The following TNC variants were observed in gnomAD, a reference collection of about 807,000 sequenced individuals.
TNC encodes tenascin.
A neutral mutation model predicts 202.4 loss-of-function variants in TNC; 109 were observed. The observed-to-expected ratio is 0.54, with a 90% CI of 0.46 to 0.63. The LOEUF (loss-of-function observed/expected upper bound fraction) is 0.63, where lower values mean the gene tolerates loss of function less well. TNC is among the 30% of genes least tolerant of loss of function. TNC has a pLI of 0.00. For synonymous variants in TNC, 1,007 were observed against 1,089.7 expected (o/e 0.92, Z 1.50); for missense variants, 2,756 against 2,833.3 (o/e 0.97, Z 0.62).
chr9:115,023,831 C>T lies in TNC; in HGVS notation c.6495+142G>A. On this transcript the variant is annotated intron_variant, in intron 27 of 27. Coordinates refer to ENST00000350763, the MANE Select transcript of TNC (RefSeq NM_002160.4). ...CCTGCAGTGTCCTTGAGATTGCTCA[C>T]TGCCTTGGGAAAAACATGTTGTCAT... is the stretch of plus-strand genomic sequence containing the variant. The T allele has an allele frequency of 2.1e-5, 21 of 992,852 alleles. 1 individual carries two copies. In the South Asian group the frequency reaches 2.5e-4, roughly 12 times the overall value. 61.5% of individuals were successfully genotyped at this position (992,852 alleles called of 1,614,324 possible).
At chr9:115,021,826 C>G (rs1829096328) in intron 27 of TNC, among the ~76,000 whole-genome samples, 1 of 152,090 alleles carries the variant, frequency 6.6e-6, no homozygotes, top group African/African-American at 2.4e-5. Flanking sequence ...TCTTCTGAGC[C>G]TCGGTTTTAC....
At chr9:115,044,568 C>T (rs1461777361) in intron 17 of TNC, among the ~76,000 whole-genome samples, 1 of 151,762 alleles carries the variant, frequency 6.6e-6, no homozygotes, top group South Asian at 2.1e-4. Context: ...ATTATTCATT[C>T]TCTTTTTTGC....
chr9:115,091,111 G>T lies in TNC; in HGVS notation c.-93C>A. The T allele has an allele frequency of 1.0e-6, 1 of 993,198 alleles. No individual in the cohort carries two copies. The highest frequency in any genetic ancestry group is 1.5e-6 in the Non-Finnish European group (1 of 674,724). The allele number at this position is 993,198 out of a possible 1,614,324, so 61.5% of individuals were successfully genotyped here. ...ATTGGGGATTTAGAAGCACAGAGTA[G>T]ACTTCAAATCAGTTGTCCCTGATCT... On this transcript the variant is annotated 5_prime_UTR_variant, in exon 2 of 28. Coordinates refer to ENST00000350763, the MANE Select transcript of TNC (RefSeq NM_002160.4).
At position 115,035,439 on chromosome 9, in the gene TNC, G is replaced by T. The variant is rs56208767; in HGVS notation, c.5657-105C>A. 5.7e-3 allele frequency: 7,094 copies of T among 1,234,642 alleles called. 34 individuals are homozygous for T. The highest frequency in any genetic ancestry group is 0.012 in the African/African-American group (800 of 65,444). The allele number at this position is 1,234,642 out of a possible 1,614,324, so 76.5% of individuals were successfully genotyped here. A position where few individuals can be genotyped will look rare whatever the true frequency, so the allele number is the denominator to read the frequency against. On this transcript the variant is annotated intron_variant, in intron 21 of 27. Coordinates refer to ENST00000350763, the MANE Select transcript of TNC (RefSeq NM_002160.4). Reference sequence around the variant, plus strand: ...GGGTTCAAGTCCTTTCCCTACCACTGAACTACGTGACCTTTGGCAAGAACT... The same window carrying T: ...GGGTTCAAGTCCTTTCCCTACCACTTAACTACGTGACCTTTGGCAAGAACT...
intron 1 of TNC, among the ~76,000 whole-genome samples, chr9:115,111,399 C>CTTTTTTTTTTTTTTTTTTTTTT (rs71375272): frequency 2.8e-5 from 2 of 71,344 alleles, no homozygotes; most frequent in African/African-American, 1.2e-4. Flanking sequence ...CTCTCTCTCT[C>CTTTTTTTTTTTTTTTTTTTTTT]TTTTTTTTTT....
intron 15 of TNC, chr9:115,055,704 A>G (rs1832063856): frequency 6.6e-6 from 1 of 152,604 alleles, no homozygotes; most frequent in Non-Finnish European, 1.5e-5. Flanking sequence ...ACACTGCCCC[A>G]GGTCATGTTT....
intron 3 of TNC, among the ~76,000 whole-genome samples, chr9:115,084,966 C>T (rs760496403): frequency 1.3e-5 from 2 of 152,200 alleles, no homozygotes; most frequent in African/African-American, 4.8e-5. Context: ...GCCTGGTGTT[C>T]TTTCCAACCA....
At chr9:115,103,730 A>G (rs1358178317) in intron 1 of TNC, among the ~76,000 whole-genome samples, 1 of 152,226 alleles carries the variant, frequency 6.6e-6, no homozygotes, top group African/African-American at 2.4e-5. Flanking sequence ...TTTAGACCCA[A>G]GTCAACTGGC....
In TNC at chr9:115,036,149, CA is replaced by C; in HGVS notation, c.5604del (p.Phe1868LeufsTer26). ...EPATEYTLRI[F>X]AEKGPQKSST... ...GAGCTCTTCTGGGGCCCTTTCTCTG[CA>C]AAGATTCTCAGTGTGTATTCCGTGG... On this transcript the variant is annotated frameshift_variant, in exon 21 of 28. Coordinates refer to ENST00000350763, the MANE Select transcript of TNC (RefSeq NM_002160.4). LOFTEE classifies it high-confidence loss of function. The C allele has an allele frequency of 6.2e-7, 1 of 1,614,156 alleles. No individual in the cohort carries two copies. The highest frequency in any genetic ancestry group is 8.5e-7 in the Non-Finnish European group (1 of 1,180,022).
chr9:115,035,362 G>A (rs1292147381), intron 21 of TNC, 28 bp from the exon 22 acceptor site: 2 of 1,592,992 alleles, frequency 1.3e-6, no homozygotes, highest in Middle Eastern at 1.7e-4. Flanking sequence ...ATTAATATCG[G>A]ATAAGATCAG....
At chr9:115,027,970 A>G (rs962950634) in intron 25 of TNC, among the ~76,000 whole-genome samples, 1 of 152,218 alleles carries the variant, frequency 6.6e-6, no homozygotes, top group Non-Finnish European at 1.5e-5. Flanking sequence ...AGGGATTTAA[A>G]GGTAATTAGG....
chr9:115,030,277 T>C lies in TNC; in HGVS notation c.6049A>G (p.Thr2017Ala), dbSNP rs776394596. Residue 2017 changes from threonine to alanine, a missense_variant, in exon 24 of 28, where the codon ACC becomes GCC. This residue lies in a region of TNC where 197 missense variants were observed against 287.3 expected (regional missense o/e 0.69). Transcript: ENST00000350763. ...AEALEVFCDM[T>A]SDGGGWIVFL... ...ACAATCCATCCACCCCCATCAGAGG[T>C]CATGTCACAGAAGACTTCCAGCGCC... 6.2e-7 allele frequency: 1 copy of C among 1,612,368 alleles called. No homozygotes were observed. Among genetic ancestry groups the C allele is most frequent in the Non-Finnish European group, 8.5e-7 (1 of 1,178,714 alleles).
Position 115,084,453 on chromosome 9 carries a change from G to A in TNC, c.1887C>T (p.Leu629=), listed in dbSNP as rs750301342. Residue 629 remains leucine (L), a synonymous_variant, in exon 4 of 28, where the codon CTC becomes CTT. Coordinates refer to ENST00000350763, the MANE Select transcript of TNC (RefSeq NM_002160.4). ...DCSEVSPPKD[L]VVTEVTEETV... ...TCTCTTCCGTCACTTCTGTCACAAC[G>A]AGGTCTTTGGGAGGAGACACTGGCA... 9.9e-6 allele frequency: 16 copies of A among 1,614,140 alleles called. No individual in the cohort carries two copies. The highest frequency in any genetic ancestry group is 6.6e-5 in the South Asian group (6 of 91,080).
At chr9:115,076,728 A>C (rs1833893533) in intron 7 of TNC, among the ~76,000 whole-genome samples, 153 bp from the exon 8 acceptor site, 1 of 152,216 alleles carries the variant, frequency 6.6e-6, no homozygotes, top group South Asian at 2.1e-4. Context: ...TGGATGTGCA[A>C]ATCTAAACAA....
chr9:115,064,996 C>A, intron 10 of TNC, 77 bp from the exon 11 acceptor site: 1 of 1,521,220 alleles, frequency 6.6e-7, no homozygotes, highest in South Asian at 1.2e-5. Context: ...GAATGGCAAA[C>A]CCAATGCCAC....
intron 17 of TNC, among the ~76,000 whole-genome samples, chr9:115,043,214 C>T (rs1048784804): frequency 3.3e-4 from 51 of 152,312 alleles, no homozygotes; most frequent in Non-Finnish European, 3.5e-4. Flanking sequence ...CTCATCTTTT[C>T]CCCTCTCCAA....
At chr9:115,022,494 T>G (rs1304475962) in intron 27 of TNC, among the ~76,000 whole-genome samples, 1 of 152,180 alleles carries the variant, frequency 6.6e-6, no homozygotes, top group South Asian at 2.1e-4. Flanking sequence ...GTGGCTCCTT[T>G]CCATGTCATC....
intron 19 of TNC, among the ~76,000 whole-genome samples, chr9:115,040,545 CT>C (rs1830652568): frequency 6.6e-6 from 1 of 152,186 alleles, no homozygotes; most frequent in East Asian, 1.9e-4. Flanking sequence ...TTACCATACC[CT>C]GTGAGGGAAG....
chr9:115,051,871 CA>C (rs1452215924), intron 15 of TNC, among the ~76,000 whole-genome samples: 1 of 151,884 alleles, frequency 6.6e-6, no homozygotes, highest in Non-Finnish European at 1.5e-5. Flanking sequence ...ACGTTCTCTC[CA>C]CTTCCTAAGA....
Sources: gnomAD v4.1 joint callset for allele counts (sites outside exome capture counted in the v4.1 genomes callset) on GRCh38, gnomAD v4.1.1 for gene constraint, gnomAD v4.1.1 regional missense constraint, MANE v1.5 for transcripts, NCBI Gene and HGNC (gene_info 2026-07-23, HGNC 2026-07-21) for gene names.